ANXA10: variants seen among roughly 807,000 people sequenced by gnomAD.
ANXA10 encodes annexin 14.
Under a neutral mutation model 53.5 loss-of-function variants are expected in ANXA10, and 49 were observed. The observed-to-expected ratio is 0.92, with a 90% CI of 0.73 to 1.16. The LOEUF (loss-of-function observed/expected upper bound fraction) is 1.16, where lower values mean the gene tolerates loss of function less well. Among genes scored for constraint, ANXA10 ranks in the 50% most tolerant of loss-of-function variants. The pLI is 0.00. For missense variants in ANXA10, 393 were observed against 394.4 expected (o/e 1.00, Z 0.03); for synonymous variants, 131 against 128.9 (o/e 1.02, Z -0.11).
intron 3 of ANXA10, among the ~76,000 whole-genome samples, chr4:168,154,313 A>G (rs962033575): frequency 2.0e-5 from 3 of 152,080 alleles, no homozygotes; most frequent in Non-Finnish European, 4.4e-5. Context: ...TCATGTATGT[A>G]TTATTTATAA....
chr4:168,121,109 T>C (rs1730978506), intron 1 of ANXA10, among the ~76,000 whole-genome samples: 1 of 152,154 alleles, frequency 6.6e-6, no homozygotes, highest in Non-Finnish European at 1.5e-5. Context: ...TTGATGTTTA[T>C]AATTTTTAAT....
Position 168,187,538 on chromosome 4 carries a change from A to G in ANXA10, c.*104A>G. 4.8e-6 allele frequency: 3 copies of G among 620,712 alleles called. No homozygotes were observed. Among genetic ancestry groups the G allele is most frequent in the Non-Finnish European group, 2.6e-6 (1 of 383,182 alleles). The allele number at this position is 620,712 out of a possible 1,614,324, so 38.5% of individuals were successfully genotyped here. A position where few individuals can be genotyped will look rare whatever the true frequency, so the allele number is the denominator to read the frequency against. ...TTCATGGCACTATTAACAAAACTAT[A>G]CAATCATATTTTCTCTTCTATCTTT... On this transcript the variant is annotated 3_prime_UTR_variant, in exon 12 of 12. Coordinates refer to ENST00000359299, the MANE Select transcript of ANXA10 (RefSeq NM_007193.5).
chr4:168,165,625 G>T (rs773798117), intron 6 of ANXA10, among the ~76,000 whole-genome samples: 2 of 152,038 alleles, frequency 1.3e-5, no homozygotes, highest in East Asian at 3.9e-4. Flanking sequence ...AAAATTAAAA[G>T]ATTAAAAATA....
rs143699026 is a variant in ANXA10, at chr4:168,110,136, G to A, written c.18+17418G>A. Among the ~76,000 whole-genome samples, 278 of 152,252 alleles carry A rather than the reference G, an allele frequency of 1.8e-3. 1 individual carries two copies. The Middle Eastern group carries it at 0.02, about 11-fold the overall frequency. On this transcript the variant is annotated intron_variant, in intron 1 of 11. Coordinates refer to ENST00000359299, the MANE Select transcript of ANXA10 (RefSeq NM_007193.5). ...TGAGGCAGGAGAATGGCATGAACCC[G>A]GAAGTTGGAGCTTGCAGTGAGCCGG...
At chr4:168,147,259 G>A (rs1005289442) in intron 3 of ANXA10, among the ~76,000 whole-genome samples, 1 of 152,118 alleles carries the variant, frequency 6.6e-6, no homozygotes, top group Admixed American at 6.5e-5. Context: ...GGAATATCAG[G>A]CATCAGGGTC....
intron 1 of ANXA10, among the ~76,000 whole-genome samples, chr4:168,094,211 AT>A (rs1001156430): frequency 2.0e-5 from 3 of 152,008 alleles, no homozygotes; most frequent in Non-Finnish European, 4.4e-5. Context: ...GGCTAACAAG[AT>A]TTTTTTTAAA....
chr4:168,144,594 G>C (rs1397545052), intron 3 of ANXA10, among the ~76,000 whole-genome samples: 3 of 152,128 alleles, frequency 2.0e-5, no homozygotes, highest in Non-Finnish European at 2.9e-5. Flanking sequence ...ATATGGAATG[G>C]TCAGGTGCAA....
Position 168,165,478 on chromosome 4 carries a change from T to G in ANXA10, c.480+152T>G, listed in dbSNP as rs1157265053. ...GTAGTAACATTTACTGAAGCCATGT[T>G]CAAAATACTCAACTAGAAATTTAAG... On this transcript the variant is annotated intron_variant, in intron 6 of 11. Transcript: ENST00000359299. 2.2e-5 allele frequency: 9 copies of G among 408,698 alleles called. No individual in the cohort carries two copies. The Admixed American group carries it at 2.7e-4, about 12-fold the overall frequency. The allele number at this position is 408,698 out of a possible 1,614,324, so 25.3% of individuals were successfully genotyped here. A position where few individuals can be genotyped will look rare whatever the true frequency, so the allele number is the denominator to read the frequency against.
At chr4:168,172,972 T>C (rs1193301033) in intron 6 of ANXA10, among the ~76,000 whole-genome samples, 3 of 152,080 alleles carry the variant, frequency 2.0e-5, no homozygotes, top group Non-Finnish European at 4.4e-5. Context: ...GTATTTTTAG[T>C]AGAGACGGGG....
chr4:168,169,627 G>GACTT (rs1731945277), intron 6 of ANXA10, among the ~76,000 whole-genome samples: 1 of 152,138 alleles, frequency 6.6e-6, no homozygotes, highest in South Asian at 2.1e-4. Context: ...GAGATGAGGA[G>GACTT]ACTTAAGCTT....
intron 3 of ANXA10, among the ~76,000 whole-genome samples, chr4:168,148,184 T>C (rs1731435558): frequency 6.6e-6 from 1 of 152,020 alleles, no homozygotes; most frequent in South Asian, 2.1e-4. Context: ...ATTTTTTTTT[T>C]TTTTTTGAGA....
chr4:168,182,140 C>A (rs1024831525), intron 10 of ANXA10, among the ~76,000 whole-genome samples: 1 of 151,804 alleles, frequency 6.6e-6, no homozygotes, highest in Admixed American at 6.6e-5. Flanking sequence ...TTGCCACGTT[C>A]GTGAAGTTTC....
intron 3 of ANXA10, among the ~76,000 whole-genome samples, chr4:168,156,274 TATAATAG>T: frequency 2.0e-5 from 1 of 48,800 alleles, no homozygotes; most frequent in Non-Finnish European, 4.0e-5. Context: ...ATATATTATA[TATAATAG>T]TATATATTAT....
chr4:168,097,251 C>G lies in ANXA10; in HGVS notation c.18+4533C>G, dbSNP rs373404107. ...TCATTAGGTTTCTTTCTCAAATGCC[C>G]TGCCTGAACTGCTCTTATTAAAGTA... On this transcript the variant is annotated intron_variant, in intron 1 of 11. Transcript: ENST00000359299. Among the ~76,000 whole-genome samples the G allele has an allele frequency of 3.8e-4, 58 of 152,038 alleles. 1 individual carries two copies. The highest frequency in any genetic ancestry group is 1.2e-3 in the African/African-American group (50 of 41,498).
At chr4:168,178,566 A>G (rs1270205458) in intron 8 of ANXA10, among the ~76,000 whole-genome samples, 1 of 152,180 alleles carries the variant, frequency 6.6e-6, no homozygotes, top group Admixed American at 6.5e-5. Flanking sequence ...TTTACAAGTC[A>G]ATAAGAGACA....
intron 1 of ANXA10, among the ~76,000 whole-genome samples, chr4:168,101,165 T>TA (rs1730632555): frequency 6.6e-6 from 1 of 151,992 alleles, no homozygotes; most frequent in Non-Finnish European, 1.5e-5. Flanking sequence ...TCTGGTTGCT[T>TA]AAAAGTGTGT....
chr4:168,165,593 ATAAT>A (rs1293346134), intron 6 of ANXA10, among the ~76,000 whole-genome samples: 2 of 152,178 alleles, frequency 1.3e-5, no homozygotes, highest in Non-Finnish European at 2.9e-5. Context: ...ACATGTATGT[ATAAT>A]TAATTTTATA....
chr4:168,102,508 C>G (rs1184536465), intron 1 of ANXA10, among the ~76,000 whole-genome samples: 1 of 152,062 alleles, frequency 6.6e-6, no homozygotes, highest in Non-Finnish European at 1.5e-5. Flanking sequence ...ACTATTGAAC[C>G]TTTTGGACAT....
rs540642236 is a variant in ANXA10, at chr4:168,120,895, C to T, written c.19-7189C>T. On this transcript the variant is annotated intron_variant, in intron 1 of 11. Coordinates refer to ENST00000359299, the MANE Select transcript of ANXA10 (RefSeq NM_007193.5). ...TCATTTAATCTAAGTAGTATTTATC[C>T]CAAATTGCATTTAGTAAAAGATATT... Among the ~76,000 whole-genome samples the T allele has an allele frequency of 3.9e-5, 6 of 151,912 alleles. No homozygotes were observed. In the South Asian group the frequency reaches 1.2e-3, roughly 32 times the overall value.
Sources: allele counts gnomAD v4.1 joint callset (sites outside exome capture counted in the v4.1 genomes callset), GRCh38; gene constraint gnomAD v4.1.1; transcripts MANE v1.5; gene names NCBI Gene and HGNC (gene_info 2026-07-23, HGNC 2026-07-21).